The following ABCA5 variants were observed in gnomAD, a reference collection of about 807,000 sequenced individuals.
ABCA5 encodes cholesterol transporter ABCA5.
A neutral mutation model predicts 206.0 loss-of-function variants in ABCA5; 163 were observed. That is an observed-to-expected ratio of 0.79 (90% CI 0.70 to 0.90). The LOEUF is 0.90. ABCA5 is among the 40% of genes least tolerant of loss of function. ABCA5 has a pLI of 0.00. For synonymous variants in ABCA5, 609 were observed against 613.8 expected, an observed-to-expected ratio of 0.99 and a Z score of 0.11; for missense variants, 1,859 against 1,912.9, an observed-to-expected ratio of 0.97 and a Z score of 0.53.
At chr17:69,266,558 A>G (rs2075210287) in intron 23 of ABCA5, among the ~76,000 whole-genome samples, 1 of 147,436 alleles carries the variant, frequency 6.8e-6, no homozygotes, top group Non-Finnish European at 1.5e-5. Context: ...CCTAAAACTT[A>G]AAGTATAATA....
rs552166186 is a variant in ABCA5 at position 69,287,892 on chromosome 17, AATT to A, written c.1903-144_1903-142del. On this transcript the variant is annotated intron_variant, in intron 14 of 38. Transcript: ENST00000392676. ...TATTAGATCAGATTTTTTCATTCAT[AATT>A]GAGTTCACATAAATTTTTAAAATTA... is the stretch of plus-strand genomic sequence containing the variant. 3.2e-3 allele frequency: 2,599 copies of A among 820,406 alleles called. 17 individuals carry two copies. The highest frequency in any genetic ancestry group is 9.4e-3 in the Middle Eastern group (26 of 2,762). 50.8% of individuals were successfully genotyped at this position (820,406 alleles called of 1,614,324 possible).
chr17:69,255,476 C>T, intron 31 of ABCA5, 67 bp downstream of exon 31: 1 of 1,057,380 alleles, frequency 9.5e-7, no homozygotes, highest in Non-Finnish European at 1.3e-6. Flanking sequence ...GAATTTGTCA[C>T]TAAAAGTTTA....
chr17:69,308,820 G>A (rs755879123), intron 4 of ABCA5, among the ~76,000 whole-genome samples: 43 of 152,090 alleles, frequency 2.8e-4, no homozygotes, highest in Non-Finnish European at 5.1e-4. Context: ...CTCAATAAAT[G>A]TTTGTGGTTG....
rs751531014 is a variant in ABCA5 at position 69,274,043 on chromosome 17, T to C, written c.2680A>G (p.Lys894Glu). The change falls in exon 20 of 39, where the codon AAA becomes GAA. Residue 894 changes from lysine (K) to glutamate (E), a missense_variant. Transcript: ENST00000392676. ...AGAAAATATAAGTCTGGAACAAGTTTGATGGGAACCACAGCATTTTTAAAA... is the reference window on the plus strand; with the variant it reads ...AGAAAATATAAGTCTGGAACAAGTTCGATGGGAACCACAGCATTTTTAAAA... ...HSFKNAVVPI[K>E]LVPDLYFLKP... 1 of 1,611,880 alleles carries C rather than the reference T, an allele frequency of 6.2e-7. No individual in the cohort carries two copies.
intron 11 of ABCA5, among the ~76,000 whole-genome samples, chr17:69,292,404 ATG>A (rs2075538611): frequency 1.3e-5 from 2 of 152,170 alleles, no homozygotes; most frequent in Non-Finnish European, 2.9e-5. Flanking sequence ...ATTTCCAATT[ATG>A]TGTTGGTAAC....
chr17:69,316,980 T>C (rs1312957284), intron 1 of ABCA5: 2 of 152,242 alleles, frequency 1.3e-5, no homozygotes, highest in East Asian at 1.9e-4. Context: ...ATTGAGTACA[T>C]GTTCACACAC....
At chr17:69,309,701 T>G (rs2075751736) in intron 3 of ABCA5, among the ~76,000 whole-genome samples, 1 of 151,812 alleles carries the variant, frequency 6.6e-6, no homozygotes, top group Admixed American at 6.6e-5. Context: ...ATTAGCCAGG[T>G]GTAGTGATGT....
intron 32 of ABCA5, 60 bp from the exon 33 acceptor site, chr17:69,253,929 T>C: frequency 3.7e-6 from 5 of 1,361,922 alleles, no homozygotes; most frequent in Non-Finnish European, 5.2e-6. Flanking sequence ...AAATACCAAC[T>C]GGGTGTGATC....
intron 18 of ABCA5, 124 bp downstream of exon 18, chr17:69,283,829 T>C (rs2075422150): frequency 2.0e-6 from 2 of 1,014,456 alleles, no homozygotes; most frequent in South Asian, 3.5e-5. Flanking sequence ...AGTATCTCAT[T>C]ACTTATTTAC....
chr17:69,280,552 A>G (rs2075381388), intron 18 of ABCA5, among the ~76,000 whole-genome samples: 1 of 151,562 alleles, frequency 6.6e-6, no homozygotes, highest in Non-Finnish European at 1.5e-5. Flanking sequence ...CCAAAGGACT[A>G]TAAATCATGC....
At chr17:69,294,996 TAAG>T (rs1440389437) in intron 10 of ABCA5, among the ~76,000 whole-genome samples, 1 of 152,202 alleles carries the variant, frequency 6.6e-6, no homozygotes, top group Non-Finnish European at 1.5e-5. Context: ...CTACTATTGA[TAAG>T]AAGTCTTGCA....
At chr17:69,311,201 A>G (rs1056582877) in intron 3 of ABCA5, among the ~76,000 whole-genome samples, 2 of 151,574 alleles carry the variant, frequency 1.3e-5, no homozygotes, top group African/African-American at 4.9e-5. Context: ...CAAAAGAAGA[A>G]AAAGACAAAA....
chr17:69,307,174 TTAAAGTC>T (rs2075726950), intron 5 of ABCA5, among the ~76,000 whole-genome samples: 1 of 151,864 alleles, frequency 6.6e-6, no homozygotes, highest in African/African-American at 2.4e-5. Flanking sequence ...AGTTTAAAGT[TTAAAGTC>T]AGTAAGTGTA....
intron 15 of ABCA5, among the ~76,000 whole-genome samples, chr17:69,286,694 A>T (rs1159764339): frequency 1.3e-5 from 2 of 152,182 alleles, no homozygotes; most frequent in African/African-American, 4.8e-5. Flanking sequence ...AATCAACAAA[A>T]GTAATAAGAA....
rs2075067154 is a variant in ABCA5, at chr17:69,255,607, T to G, written c.4004A>C (p.Asn1335Thr). The change falls in exon 31 of 39, where the codon AAT (asparagine) becomes ACT (threonine). Residue 1335 changes from asparagine (N) to threonine (T), a missense_variant. Physicochemically the swap from Asn to Thr is moderately conservative, Grantham distance 65 (BLOSUM62 0). Coordinates refer to ENST00000392676, the MANE Select transcript of ABCA5 (RefSeq NM_172232.4). ...AATAATTGTGCTTTTGCCAGCACCA[T>G]TTGGACCCAATAGTCCTAAGATCTC... is the stretch of plus-strand genomic sequence containing the variant. ...KGEILGLLGP[N>T]GAGKSTIINI... The G allele has an allele frequency of 1.3e-6, 2 of 1,582,630 alleles. No homozygotes were observed. Among genetic ancestry groups the G allele is most frequent in the Non-Finnish European group, 1.7e-6 (2 of 1,171,462 alleles).
At chr17:69,314,281 C>CAA in intron 2 of ABCA5, 33 bp downstream of exon 2, 1 of 1,443,680 alleles carries the variant, frequency 6.9e-7, no homozygotes, top group Non-Finnish European at 9.6e-7. Context: ...AAATAAACTG[C>CAA]AAAAAAGCAT....
At chr17:69,280,116 A>C (rs554971189) in intron 18 of ABCA5, among the ~76,000 whole-genome samples, 57 of 152,142 alleles carry the variant, frequency 3.7e-4, no homozygotes, top group African/African-American at 1.3e-3. Flanking sequence ...ATGGGAGAAA[A>C]TGTTCGCAAC....
rs2075305705 is a variant in ABCA5 at position 69,274,196 on chromosome 17, C to T, written c.2595-68G>A. ...ACATTAATATGAAAATCAATTAAAA[C>T]TCTCCCTTCACATTGATATGGACTT... On this transcript the variant is annotated intron_variant, in intron 19 of 38. Coordinates refer to ENST00000392676, the MANE Select transcript of ABCA5 (RefSeq NM_172232.4). The T allele has an allele frequency of 2.1e-5, 29 of 1,400,884 alleles. No homozygotes were observed. In the South Asian group the frequency reaches 4.0e-4, roughly 20 times the overall value. 86.8% of individuals were successfully genotyped at this position (1,400,884 alleles called of 1,614,324 possible). A position where few individuals can be genotyped will look rare whatever the true frequency, so the allele number is the denominator to read the frequency against.
intron 9 of ABCA5, among the ~76,000 whole-genome samples, chr17:69,298,315 AGAGGAAGGAAGG>A (rs1265358482): frequency 5.6e-5 from 1 of 17,848 alleles, no homozygotes; most frequent in Non-Finnish European, 1.9e-4. Context: ...AAAGAGAGAG[AGAGGAAGGAAGG>A]AAGGAAGGAA....
Sources: allele counts gnomAD v4.1 joint callset (sites outside exome capture counted in the v4.1 genomes callset), GRCh38; gene constraint gnomAD v4.1.1; transcripts MANE v1.5; gene names NCBI Gene and HGNC (gene_info 2026-07-23, HGNC 2026-07-21).